Variants in CTDNEP1 observed in about 807,000 individuals in gnomAD.
CTDNEP1 encodes the protein CTD nuclear envelope phosphatase 1.
A neutral mutation model predicts 30.1 loss-of-function variants in CTDNEP1; 3 were observed. The observed-to-expected ratio is 0.10, with a 90% CI of 0.05 to 0.26. The LOEUF is 0.26. Among genes scored for constraint, CTDNEP1 ranks in the 10% least tolerant of loss-of-function variants. The pLI is 1.00. For synonymous variants in CTDNEP1, 123 were observed against 118.8 expected (o/e 1.04, Z -0.23); for missense variants, 158 against 310.4 (o/e 0.51, Z 3.69).
chr17:7,246,225 C>T lies in CTDNEP1; in HGVS notation c.477+29G>A. On this transcript the variant is annotated intron_variant, in intron 5 of 7. Coordinates refer to ENST00000574322, the MANE Select transcript of CTDNEP1 (RefSeq NM_001143775.2). The surrounding 1 kb of genome is among the most constrained non-coding windows in gnomAD (Gnocchi z 4.9). ...CTCCCTGGTGGCCTCCCTCCCAAGC[C>T]ACACTCTTAGACTGGGATTCTAGCT... The T allele has an allele frequency of 4.4e-6, 7 of 1,593,372 alleles. No homozygotes were observed. Among genetic ancestry groups the T allele is most frequent in the Non-Finnish European group, 6.0e-6 (7 of 1,161,150 alleles).
At chr17:7,244,285 GT>G in intron 7 of CTDNEP1, 40 bp from the exon 8 acceptor site, 1 of 1,599,262 alleles carries the variant, frequency 6.3e-7, no homozygotes, top group Middle Eastern at 1.7e-4. Flanking sequence ...GTACCTTATA[GT>G]TCATACCCTC....
chr17:7,246,651 C>A lies in CTDNEP1; in HGVS notation c.360+140G>T. 1.4e-6 allele frequency: 1 copy of A among 723,498 alleles called. No homozygotes were observed. The highest frequency in any genetic ancestry group is 2.4e-6 in the Non-Finnish European group (1 of 410,678). The allele number at this position is 723,498 out of a possible 1,614,324, so 44.8% of individuals were successfully genotyped here. A position where few individuals can be genotyped will look rare whatever the true frequency, so the allele number is the denominator to read the frequency against. ...TGAACCCCAAGTACTGAAAGCCACT[C>A]CCCTACCATTACACAGCCTCCCCTC... On this transcript the variant is annotated intron_variant, in intron 4 of 7. Coordinates refer to ENST00000574322, the MANE Select transcript of CTDNEP1 (RefSeq NM_001143775.2). The surrounding 1 kb of genome is among the most constrained non-coding windows in gnomAD (Gnocchi z 4.9).
In CTDNEP1 at chr17:7,251,300, G is replaced by A; in HGVS notation, c.-4C>T. ...GCAGACACTGCGTCCGCATCATCCCGATGACCCCGGCACCGCCGGCCCCGG... is the reference window on the plus strand; with the variant it reads ...GCAGACACTGCGTCCGCATCATCCCAATGACCCCGGCACCGCCGGCCCCGG... On this transcript the variant is annotated 5_prime_UTR_variant, in exon 1 of 8. Transcript: ENST00000574322. 1.3e-6 allele frequency: 2 copies of A among 1,564,822 alleles called. No individual in the cohort carries two copies. The highest frequency in any genetic ancestry group is 8.6e-7 in the Non-Finnish European group (1 of 1,158,120).
At chr17:7,250,292 T>A (rs1469870133) in intron 1 of CTDNEP1, among the ~76,000 whole-genome samples, 1 of 152,182 alleles carries the variant, frequency 6.6e-6, no homozygotes, top group East Asian at 1.9e-4. Flanking sequence ...CCAGACTCCT[T>A]CCGAGGATTC....
In CTDNEP1 at chr17:7,243,912, C is replaced by T; in HGVS notation, c.*273G>A. ...CTGGCCAGTCCTGCCTCTTCACAAA[C>T]ACTGATTCGGCTCTCCTAGGCTTCC... On this transcript the variant is annotated 3_prime_UTR_variant, in exon 8 of 8. Coordinates refer to ENST00000574322, the MANE Select transcript of CTDNEP1 (RefSeq NM_001143775.2). 7.7e-7 allele frequency: 1 copy of T among 1,303,396 alleles called. No homozygotes were observed. Among genetic ancestry groups the T allele is most frequent in the Non-Finnish European group, 9.8e-7 (1 of 1,018,468 alleles). The allele number at this position is 1,303,396 out of a possible 1,614,324, so 80.7% of individuals were successfully genotyped here. A position where few individuals can be genotyped will look rare whatever the true frequency, so the allele number is the denominator to read the frequency against.
In CTDNEP1 at chr17:7,244,498, CCCA is replaced by C. The variant is rs2071813146; in HGVS notation, c.674+50_674+52del. Reference sequence around the variant, plus strand: ...CCTTTTTTATTCCCTCTGAGGATCCCCCACCTCCTCCTTTCTTGAGATATCCAA... The same window carrying C: ...CCTTTTTTATTCCCTCTGAGGATCCCCCTCCTCCTTTCTTGAGATATCCAA... On this transcript the variant is annotated intron_variant, in intron 7 of 7. Transcript: ENST00000574322. 5 of 1,488,072 alleles carry C rather than the reference CCCA, an allele frequency of 3.4e-6. No individual in the cohort carries two copies. In the Admixed American group the frequency reaches 8.4e-5, roughly 25 times the overall value. 92.2% of individuals were successfully genotyped at this position (1,488,072 alleles called of 1,614,324 possible).
rs11546312 is a variant in CTDNEP1, at chr17:7,246,836, C to A, written c.315G>T (p.Arg105=). ...CATGGGGCCTCTTATGTACAAAAAA[C>A]CGGACAGGATGTTTGTCTATTACCA... ...LKVVIDKHPV[R]FFVHKRPHVD... Residue 105 remains arginine (R), a synonymous_variant, in exon 4 of 8, where the codon CGG becomes CGT. Transcript: ENST00000574322. The surrounding 1 kb of genome is among the most constrained non-coding windows in gnomAD (Gnocchi z 4.9). The A allele has an allele frequency of 6.2e-7, 1 of 1,614,096 alleles. No individual in the cohort carries two copies. The highest frequency in any genetic ancestry group is 1.1e-5 in the South Asian group (1 of 91,082).
Position 7,244,251 on chromosome 17 carries a change from G to T in CTDNEP1, c.675-6C>A, listed in dbSNP as rs1346257091. The T allele has an allele frequency of 6.2e-7, 1 of 1,614,044 alleles. No homozygotes were observed. Among genetic ancestry groups the T allele is most frequent in the East Asian group, 2.2e-5 (1 of 44,890 alleles). The stretch of plus-strand genomic sequence containing the variant: ...AACGAACATCAGCGGTGAACCTGGG[G>T]TGACAATAACTTGCATTGGTAGAGT... On this transcript the variant is annotated splice_polypyrimidine_tract_variant and splice_region_variant and intron_variant, in intron 7 of 7. Coordinates refer to ENST00000574322, the MANE Select transcript of CTDNEP1 (RefSeq NM_001143775.2).
At chr17:7,250,530 G>C (rs9914481) in intron 1 of CTDNEP1, among the ~76,000 whole-genome samples, 10,787 of 152,142 alleles carry the variant, frequency 0.071, 1,281 homozygotes, top group African/African-American at 0.24. Context: ...AACTTCAATG[G>C]TGGGCACAGC....
chr17:7,251,133 C>T, intron 1 of CTDNEP1, 62 bp downstream of exon 1: 2 of 1,243,028 alleles, frequency 1.6e-6, no homozygotes, highest in East Asian at 2.8e-5. Flanking sequence ...CTGAGCACCA[C>T]GGACAGATGT....
chr17:7,245,725 T>G (rs2071828542), intron 6 of CTDNEP1, among the ~76,000 whole-genome samples: 1 of 151,824 alleles, frequency 6.6e-6, no homozygotes, highest in Non-Finnish European at 1.5e-5. Flanking sequence ...GTCTCGAACT[T>G]CTGACCTCGT....
chr17:7,249,935 T>G (rs2071890788), intron 1 of CTDNEP1, among the ~76,000 whole-genome samples: 1 of 151,684 alleles, frequency 6.6e-6, no homozygotes, highest in African/African-American at 2.4e-5. Flanking sequence ...CCCCAGGAGA[T>G]AGCCCCACAC....
At chr17:7,247,470 CTTT>C (rs763334733) in intron 1 of CTDNEP1, 127 bp from the exon 2 acceptor site, 2,091 of 538,554 alleles carry the variant, frequency 3.9e-3, no homozygotes, top group East Asian at 4.5e-3. Flanking sequence ...ATTTCTTCTT[CTTT>C]TTTTTTTTTT....
At chr17:7,244,824 T>C (rs991252329) in intron 6 of CTDNEP1, 189 bp from the exon 7 acceptor site, 4 of 544,972 alleles carry the variant, frequency 7.3e-6, no homozygotes, top group African/African-American at 1.9e-5. Flanking sequence ...CTCATACCTA[T>C]TGATGCTTCT....
At position 7,247,359 on chromosome 17, in the gene CTDNEP1, A is replaced by G; in HGVS notation, c.103-16T>C. On this transcript the variant is annotated splice_polypyrimidine_tract_variant and intron_variant, in intron 1 of 7. Transcript: ENST00000574322. ...ACTGAATTACCTACAAATAGCACAA[A>G]AGAGGATTGAAACCCTTGATAAGGA... The G allele has an allele frequency of 6.2e-7, 1 of 1,608,620 alleles. No individual in the cohort carries two copies. Among genetic ancestry groups the G allele is most frequent in the Non-Finnish European group, 8.5e-7 (1 of 1,175,362 alleles).
At chr17:7,247,442 T>C (rs1271570188) in intron 1 of CTDNEP1, 99 bp from the exon 2 acceptor site, 20 of 887,168 alleles carry the variant, frequency 2.3e-5, no homozygotes, top group Admixed American at 8.6e-5. Flanking sequence ...ACAGGTACTA[T>C]GTATGTAATT....
rs2071807297 is a variant in CTDNEP1, at chr17:7,243,954, G to A, written c.*231C>T. On this transcript the variant is annotated 3_prime_UTR_variant, in exon 8 of 8. Coordinates refer to ENST00000574322, the MANE Select transcript of CTDNEP1 (RefSeq NM_001143775.2). ...TAGGCTTCCGCCTGTGTCCCAGTCT[G>A]GGGTTTCCATGGAGTGTGAACACGA... 2 of 1,371,762 alleles carry A rather than the reference G, an allele frequency of 1.5e-6. No individual in the cohort carries two copies. The highest frequency in any genetic ancestry group is 1.9e-6 in the Non-Finnish European group (2 of 1,060,328). The allele number at this position is 1,371,762 out of a possible 1,614,324, so 85.0% of individuals were successfully genotyped here. A position where few individuals can be genotyped will look rare whatever the true frequency, so the allele number is the denominator to read the frequency against.
At chr17:7,244,855 T>C (rs2071816311) in intron 6 of CTDNEP1, 4 of 488,852 alleles carry the variant, frequency 8.2e-6, no homozygotes, top group Non-Finnish European at 1.5e-5. Context: ...ACTGCCATTG[T>C]GCCTCACTTG....
chr17:7,244,364 A>G (rs1242952285), intron 7 of CTDNEP1, 119 bp from the exon 8 acceptor site: 6 of 1,276,100 alleles, frequency 4.7e-6, no homozygotes, highest in African/African-American at 2.9e-5. Flanking sequence ...TCATGATTAG[A>G]TAGGTTCAAT....
Sources: allele counts gnomAD v4.1 joint callset (sites outside exome capture counted in the v4.1 genomes callset), GRCh38; gene constraint gnomAD v4.1.1; non-coding constraint Gnocchi (gnomAD v3.1); transcripts MANE v1.5; gene names NCBI Gene and HGNC (gene_info 2026-07-23, HGNC 2026-07-21).